FHL1: variants seen among roughly 807,000 people sequenced by gnomAD.
The protein encoded by FHL1 is four and a half LIM domains protein 1.
A neutral mutation model predicts 20.3 loss-of-function variants in FHL1; 1 was observed. The observed-to-expected ratio is 0.05, with a 90% confidence interval of 0.02 to 0.23. FHL1 has a LOEUF of 0.23. Among genes scored for constraint, FHL1 ranks in the 10% least tolerant of loss-of-function variants. The pLI is 1.00. For missense variants in FHL1, 177 were observed against 234.0 expected, an observed-to-expected ratio of 0.76 and a Z score of 1.59; for synonymous variants, 82 against 88.9, an observed-to-expected ratio of 0.92 and a Z score of 0.44.
intron 5 of FHL1, 78 bp downstream of exon 5, chrX:136,208,719 G>A: frequency 2.0e-6 from 2 of 1,009,113 alleles, no homozygotes; most frequent in South Asian, 3.8e-5. Flanking sequence ...CCTGTCGTCG[G>A]TTTCATCCAC....
intron 1 of FHL1, among the ~76,000 whole-genome samples, chrX:136,151,988 C>T (rs2072276564): frequency 8.9e-6 from 1 of 111,749 alleles, no homozygotes; most frequent in Non-Finnish European, 1.9e-5. Context: ...GCATTATCTC[C>T]CTTGCGGCAT....
chrX:136,176,254 A>C (rs2072999662), intron 2 of FHL1, among the ~76,000 whole-genome samples: 1 of 112,665 alleles, frequency 8.9e-6, no homozygotes, highest in Non-Finnish European at 1.9e-5. Context: ...GCTCAAGAGC[A>C]AGCCCATTTC....
intron 2 of FHL1, among the ~76,000 whole-genome samples, chrX:136,172,251 C>G (rs1303647688): frequency 8.9e-6 from 1 of 112,213 alleles, no homozygotes. Context: ...ACAACTGCAT[C>G]TGGTGTTCTT....
In FHL1 at chrX:136,197,101, G is replaced by C; in HGVS notation, c.-12G>C. On this transcript the variant is annotated 5_prime_UTR_variant, in exon 1 of 6. Transcript: ENST00000370683. The stretch of plus-strand genomic sequence containing the variant: ...TGGTCTAGGTGCTGCTCCTGAACTT[G>C]GTCTCTGAGCCATGGCTTCCCATAG... 1 of 1,207,646 alleles carries C rather than the reference G, an allele frequency of 8.3e-7. No homozygotes were observed. Among genetic ancestry groups the C allele is most frequent in the African/African-American group, 1.7e-5 (1 of 57,641 alleles).
chrX:136,177,958 C>G (rs1413832773), intron 2 of FHL1, among the ~76,000 whole-genome samples: 3 of 112,142 alleles, frequency 2.7e-5, no homozygotes, highest in Non-Finnish European at 5.6e-5. Flanking sequence ...GAGTTTGAAA[C>G]CTTGACTCAC....
chrX:136,196,024 C>G (rs1269997387), upstream of FHL1, among the ~76,000 whole-genome samples: 1 of 112,047 alleles, frequency 8.9e-6, no homozygotes, highest in African/African-American at 3.2e-5. Context: ...GTTCTAGGCT[C>G]TGGGGCCACT....
intron 2 of FHL1, among the ~76,000 whole-genome samples, chrX:136,172,169 C>T (rs1349913886): frequency 8.9e-6 from 1 of 112,226 alleles, no homozygotes; most frequent in Non-Finnish European, 1.9e-5. Context: ...GCTGGGATTA[C>T]AGGCGTGAGC....
intron 2 of FHL1, among the ~76,000 whole-genome samples, chrX:136,170,760 G>A (rs918024563): frequency 1.6e-4 from 18 of 111,018 alleles, no homozygotes; most frequent in Admixed American, 5.8e-4. Flanking sequence ...GCGCTCACAA[G>A]AGGGAATGTA....
At chrX:136,174,332 G>A (rs1468954946) in intron 2 of FHL1, among the ~76,000 whole-genome samples, 3 of 111,633 alleles carry the variant, frequency 2.7e-5, no homozygotes, top group Non-Finnish European at 5.6e-5. Context: ...AGGATACATC[G>A]ACAGGTACGG....
rs756182292 is a variant in FHL1, at chrX:136,191,260, TC to T, written c.-26-15145del. On this transcript the variant is annotated intron_variant, in intron 2 of 6. Transcript: ENST00000394153. ...CGCTCCTCTGTCCACCTGTGGTTAC[TC>T]CTGCATTGAATCTGAATCAAGACAC... Among the ~76,000 whole-genome samples the T allele has an allele frequency of 3.5e-3, 388 of 112,290 alleles. 1 individual carries two copies. Among genetic ancestry groups the T allele is most frequent in the Middle Eastern group, 4.6e-3 (1 of 218 alleles).
At chrX:136,190,572 T>C (rs1352236072) in intron 2 of FHL1, among the ~76,000 whole-genome samples, 1 of 112,038 alleles carries the variant, frequency 8.9e-6, no homozygotes, top group Non-Finnish European at 1.9e-5. Context: ...ATAACTTGAC[T>C]GGACTCTTGC....
intron 2 of FHL1, among the ~76,000 whole-genome samples, chrX:136,181,640 T>G (rs2073161098): frequency 8.9e-6 from 1 of 112,459 alleles, no homozygotes; most frequent in African/African-American, 3.2e-5. Context: ...CCACATTCTG[T>G]GCCCATAGTT....
chrX:136,201,647 A>C (rs752856113), intron 1 of FHL1, among the ~76,000 whole-genome samples: 1 of 110,956 alleles, frequency 9.0e-6, no homozygotes, highest in African/African-American at 3.3e-5. Context: ...GAGATAGTTT[A>C]ACAACCATCT....
At chrX:136,196,418 A>T (rs924858961), upstream of FHL1, among the ~76,000 whole-genome samples, 3 of 111,402 alleles carry the variant, frequency 2.7e-5, no homozygotes, top group Non-Finnish European at 5.7e-5. Flanking sequence ...AGTTTGTGAG[A>T]CAAAATGTCT....
At chrX:136,183,276 T>G (rs2073209743) in intron 2 of FHL1, among the ~76,000 whole-genome samples, 1 of 111,126 alleles carries the variant, frequency 9.0e-6, no homozygotes, top group African/African-American at 3.3e-5. Context: ...AATTTACCAG[T>G]CCCTTCAGAC....
chrX:136,207,378 G>A (rs2073871911), intron 3 of FHL1, 188 bp downstream of exon 3: 3 of 455,351 alleles, frequency 6.6e-6, no homozygotes, highest in South Asian at 7.2e-5. Flanking sequence ...CACACACTCG[G>A]AGACTAAAGA....
chrX:136,156,714 A>G (rs1382660184), intron 1 of FHL1, among the ~76,000 whole-genome samples: 1 of 112,170 alleles, frequency 8.9e-6, no homozygotes, highest in Non-Finnish European at 1.9e-5. Flanking sequence ...CTAAATTTCT[A>G]TACTTGATTA....
intron 1 of FHL1, among the ~76,000 whole-genome samples, chrX:136,198,627 C>T (rs775067284): frequency 1.8e-5 from 2 of 111,957 alleles, no homozygotes; most frequent in South Asian, 3.7e-4. Flanking sequence ...TGCCCTGAAA[C>T]GGGCTCAGTA....
At position 136,211,233 on chromosome X, in the gene FHL1, C is replaced by T. The variant is rs926990977; in HGVS notation, c.*1208C>T. ...CAAAAGTAAACATGTAATGACAATA[C>T]ATACTAACATTCTTGTAGGAGTGGT... On this transcript the variant is annotated 3_prime_UTR_variant, in exon 6 of 6. Transcript: ENST00000370683. 5.7e-6 allele frequency: 2 copies of T among 350,588 alleles called. No homozygotes were observed. The highest frequency in any genetic ancestry group is 5.1e-5 in the African/African-American group (2 of 38,981). 28.9% of individuals were successfully genotyped at this position (350,588 alleles called of 1,213,427 possible). A position where few individuals can be genotyped will look rare whatever the true frequency, so the allele number is the denominator to read the frequency against.
Sources: gnomAD v4.1 joint callset for allele counts (sites outside exome capture counted in the v4.1 genomes callset) on GRCh38, gnomAD v4.1.1 for gene constraint, MANE v1.5 for transcripts, NCBI Gene and HGNC (gene_info 2026-07-23, HGNC 2026-07-21) for gene names.